The following REV1 variants were observed in gnomAD, a reference collection of about 807,000 sequenced individuals.
REV1 encodes REV1 DNA directed polymerase.
In REV1, 42 loss-of-function variants were observed where a neutral mutation model predicts 137.4. That is an observed-to-expected ratio of 0.31 (90% CI 0.24 to 0.40). The LOEUF (loss-of-function observed/expected upper bound fraction) is 0.40. Ranked by LOEUF, REV1 falls within the 10% of genes least tolerant of loss-of-function variation. REV1 has a pLI of 1.00. For synonymous variants in REV1, 524 were observed against 519.2 expected (o/e 1.01, Z -0.12); for missense variants, 1,282 against 1,490.1 (o/e 0.86, Z 2.30).
chr2:99,432,742 C>A (rs1438596643), intron 8 of REV1, among the ~76,000 whole-genome samples: 9 of 152,166 alleles, frequency 5.9e-5, no homozygotes, highest in Non-Finnish European at 1.3e-4. Context: ...TGGTTTACCA[C>A]CCACATTTAG....
intron 3 of REV1, among the ~76,000 whole-genome samples, chr2:99,461,253 T>C (rs560883428): frequency 6.6e-6 from 1 of 152,352 alleles, no homozygotes; most frequent in East Asian, 1.9e-4. Context: ...CTAAACCAGA[T>C]AAATGTACCA....
chr2:99,401,999 G>A (rs1405236088), intron 22 of REV1, among the ~76,000 whole-genome samples: 2 of 152,174 alleles, frequency 1.3e-5, no homozygotes, highest in Non-Finnish European at 2.9e-5. Context: ...CTCCCGAAGT[G>A]AAGTACAGGC....
At chr2:99,459,486 G>A (rs1412104168) in intron 3 of REV1, among the ~76,000 whole-genome samples, 2 of 152,084 alleles carry the variant, frequency 1.3e-5, no homozygotes, top group African/African-American at 2.4e-5. Flanking sequence ...CAGAAGAATC[G>A]CTTGAGCCTA....
chr2:99,446,789 G>A (rs775260640), intron 4 of REV1, among the ~76,000 whole-genome samples: 6 of 151,972 alleles, frequency 3.9e-5, no homozygotes, highest in South Asian at 2.1e-4. Context: ...TATCGCACCC[G>A]GCCGGAAAAC....
chr2:99,418,975 A>G (rs772811158), intron 11 of REV1, 28 bp from the exon 12 acceptor site: 2 of 1,550,280 alleles, frequency 1.3e-6, no homozygotes, highest in Non-Finnish European at 1.8e-6. Context: ...CATCCAAGAA[A>G]TAGTCACAAT....
chr2:99,403,006 A>G lies in REV1; in HGVS notation c.3267T>C (p.Pro1089=). Residue 1089 remains proline (P), a synonymous_variant, in exon 20 of 23, where the codon CCT becomes CCC. Coordinates refer to ENST00000258428, the MANE Select transcript of REV1 (RefSeq NM_016316.4). ...TIGSPKRIQS[P]LNNKLLNSPA... The stretch of plus-strand genomic sequence containing the variant: ...GACTGTTAAGCAGCTTGTTATTCAA[A>G]GGACTCTGAATCCTTTTTGGTGAAC... 1 of 1,614,190 alleles carries G rather than the reference A, an allele frequency of 6.2e-7. No homozygotes were observed. The highest frequency in any genetic ancestry group is 1.1e-5 in the South Asian group (1 of 91,090).
At chr2:99,457,820 G>A (rs185489522) in intron 3 of REV1, among the ~76,000 whole-genome samples, 224 of 152,236 alleles carry the variant, frequency 1.5e-3, no homozygotes, top group Non-Finnish European at 2.7e-3. Context: ...ATTTGATATA[G>A]TGTGGTACTG....
intron 1 of REV1, among the ~76,000 whole-genome samples, chr2:99,480,704 G>A (rs1009321666): frequency 4.6e-5 from 7 of 151,826 alleles, no homozygotes; most frequent in Non-Finnish European, 7.4e-5. Flanking sequence ...CTTTTTTTCT[G>A]GACCTGCTAT....
intron 1 of REV1, among the ~76,000 whole-genome samples, chr2:99,486,429 T>C (rs1310731054): frequency 6.6e-6 from 1 of 151,762 alleles, no homozygotes; most frequent in African/African-American, 2.4e-5. Flanking sequence ...CTCGGGAGGC[T>C]GAGGCAGGAG....
rs1377827860 is a variant in REV1, at chr2:99,403,015, A to C, written c.3258T>G (p.Ile1086Met). 3 of 1,614,038 alleles carry C rather than the reference A, an allele frequency of 1.9e-6. No individual in the cohort carries two copies. Among genetic ancestry groups the C allele is most frequent in the Non-Finnish European group, 1.7e-6 (2 of 1,180,026 alleles). ...KKKTIGSPKRIQSPLNNKLLN... is the reference protein window; with the variant it reads ...KKKTIGSPKRMQSPLNNKLLN... ...GCAGCTTGTTATTCAAAGGACTCTG[A>C]ATCCTTTTTGGTGAACCAATGGTTT... The change falls in exon 20 of 23, where the codon ATT becomes ATG. Residue 1086 changes from isoleucine to methionine, a missense_variant. Physicochemically the swap from Ile to Met is conservative, Grantham distance 10. This residue lies in a region of REV1 where 170 missense variants were observed against 156.8 expected (regional missense o/e 1.08). Coordinates refer to ENST00000258428, the MANE Select transcript of REV1 (RefSeq NM_016316.4).
At chr2:99,408,827 AG>A (rs2104430323) in intron 14 of REV1, among the ~76,000 whole-genome samples, 1 of 152,368 alleles carries the variant, frequency 6.6e-6, no homozygotes, top group South Asian at 2.1e-4. Context: ...CTCTTTCCAA[AG>A]GAAAGTTATT....
At chr2:99,415,256 C>T (rs1182626285) in intron 12 of REV1, among the ~76,000 whole-genome samples, 1 of 152,100 alleles carries the variant, frequency 6.6e-6, no homozygotes, top group Non-Finnish European at 1.5e-5. Flanking sequence ...GGCTCCGGGC[C>T]CAAAGAGTGC....
rs931746458 is a variant in REV1, at chr2:99,465,032, A to G, written c.-10-47T>C. 2.9e-6 allele frequency: 4 copies of G among 1,388,526 alleles called. No individual in the cohort carries two copies. In the Admixed American group the frequency reaches 7.6e-5, roughly 26 times the overall value. The allele number at this position is 1,388,526 out of a possible 1,614,324, so 86.0% of individuals were successfully genotyped here. A position where few individuals can be genotyped will look rare whatever the true frequency, so the allele number is the denominator to read the frequency against. ...AAATGTCAATTTTATAACATAATGT[A>G]TTTCTAAATGATATTTTATTTCAAT... On this transcript the variant is annotated intron_variant, in intron 1 of 22. Transcript: ENST00000258428.
intron 4 of REV1, among the ~76,000 whole-genome samples, chr2:99,448,280 C>T (rs555093023): frequency 2.6e-4 from 40 of 151,974 alleles, no homozygotes; most frequent in African/African-American, 9.4e-4. Flanking sequence ...TGATTATAAT[C>T]TATCCATACA....
At chr2:99,487,057 CACAAG>C (rs1244462975) in intron 1 of REV1, among the ~76,000 whole-genome samples, 1 of 152,192 alleles carries the variant, frequency 6.6e-6, no homozygotes, top group African/African-American at 2.4e-5. Context: ...TGAGCAGAAA[CACAAG>C]ACAAGACATG....
intron 8 of REV1, among the ~76,000 whole-genome samples, chr2:99,430,332 A>G (rs1679958862): frequency 6.6e-6 from 1 of 152,204 alleles, no homozygotes; most frequent in Non-Finnish European, 1.5e-5. Context: ...GGTAGTGGGG[A>G]AAAGTTAACG....
At chr2:99,458,740 T>C (rs1176111485) in intron 3 of REV1, among the ~76,000 whole-genome samples, 2 of 152,196 alleles carry the variant, frequency 1.3e-5, no homozygotes, top group Non-Finnish European at 2.9e-5. Flanking sequence ...ACAGATAATT[T>C]ATGCTCAGTG....
At chr2:99,412,201 C>T (rs979602997) in intron 13 of REV1, among the ~76,000 whole-genome samples, 2 of 146,892 alleles carry the variant, frequency 1.4e-5, no homozygotes, top group African/African-American at 2.5e-5. Context: ...CCACTGCACT[C>T]CACCCTGGGC....
At chr2:99,437,605 G>C (rs1680924117) in intron 6 of REV1, among the ~76,000 whole-genome samples, 1 of 152,106 alleles carries the variant, frequency 6.6e-6, no homozygotes, top group Non-Finnish European at 1.5e-5. Flanking sequence ...AAACATTCAA[G>C]TAGTACAGAA....
Sources: allele counts gnomAD v4.1 joint callset (sites outside exome capture counted in the v4.1 genomes callset), GRCh38; gene constraint gnomAD v4.1.1; regional missense constraint gnomAD v4.1.1; transcripts MANE v1.5; gene names NCBI Gene and HGNC (gene_info 2026-07-23, HGNC 2026-07-21).